Variants in SLC25A48 observed in about 807,000 individuals in gnomAD.
SLC25A48 encodes the protein CTC-321K16.1.
Under a neutral mutation model 32.2 loss-of-function variants are expected in SLC25A48, and 29 were observed. The ratio of observed to expected loss-of-function variants is 0.90; its 90% confidence interval spans 0.67 to 1.23. The LOEUF (loss-of-function observed/expected upper bound fraction) is 1.23, where lower values mean the gene tolerates loss of function less well. Among genes scored for constraint, SLC25A48 ranks in the 50% most tolerant of loss-of-function variants. The pLI is 0.00. For missense variants in SLC25A48, 399 were observed against 422.7 expected, an observed-to-expected ratio of 0.94 and a Z score of 0.49; for synonymous variants, 164 against 172.3, an observed-to-expected ratio of 0.95 and a Z score of 0.38.
At chr5:135,814,033 G>C (rs933113602) in intron 4 of SLC25A48, among the ~76,000 whole-genome samples, 1 of 152,184 alleles carries the variant, frequency 6.6e-6, no homozygotes, top group East Asian at 1.9e-4. Context: ...TTGATCAGAG[G>C]CACCCATGTG....
At chr5:135,826,231 G>A (rs903292399) in intron 4 of SLC25A48, among the ~76,000 whole-genome samples, 4 of 152,044 alleles carry the variant, frequency 2.6e-5, no homozygotes, top group Non-Finnish European at 2.9e-5. Flanking sequence ...GTCCCACTCC[G>A]CAGGCCTAGG....
At chr5:135,611,939 T>A (rs1409381402) in intron 1 of SLC25A48, among the ~76,000 whole-genome samples, 1 of 152,262 alleles carries the variant, frequency 6.6e-6, no homozygotes, top group East Asian at 1.9e-4. Context: ...AATTATGTAG[T>A]TGCCTTCCAA....
intron 3 of SLC25A48, among the ~76,000 whole-genome samples, chr5:135,764,402 CCT>C (rs1437622783): frequency 1.3e-5 from 2 of 151,590 alleles, no homozygotes; most frequent in African/African-American, 4.9e-5. Context: ...TGTACAGCCC[CCT>C]GTGATATGGT....
At chr5:135,789,808 C>A (rs1280474461) in intron 3 of SLC25A48, among the ~76,000 whole-genome samples, 2 of 151,894 alleles carry the variant, frequency 1.3e-5, no homozygotes, top group South Asian at 2.1e-4. Context: ...GTGTACAATC[C>A]TTTGTAATAT....
At chr5:135,607,933 C>T (rs1057406801) in intron 1 of SLC25A48, among the ~76,000 whole-genome samples, 1 of 152,248 alleles carries the variant, frequency 6.6e-6, no homozygotes, top group Non-Finnish European at 1.5e-5. Context: ...AGTCTCCTTA[C>T]ATTATTCTGC....
intron 1 of SLC25A48, among the ~76,000 whole-genome samples, chr5:135,628,178 C>T (rs1197894847): frequency 6.6e-6 from 1 of 152,180 alleles, no homozygotes; most frequent in Non-Finnish European, 1.5e-5. Flanking sequence ...TCATAAAAGA[C>T]ATTCTGGGAT....
At chr5:135,632,450 G>C (rs1308490779) in intron 2 of SLC25A48, among the ~76,000 whole-genome samples, 3 of 152,156 alleles carry the variant, frequency 2.0e-5, no homozygotes, top group African/African-American at 7.2e-5. Context: ...ATACCTAGGA[G>C]GTAAACTTTA....
intron 1 of SLC25A48, among the ~76,000 whole-genome samples, chr5:135,581,531 A>G (rs1038748226): frequency 6.6e-6 from 1 of 152,204 alleles, no homozygotes; most frequent in Non-Finnish European, 1.5e-5. Context: ...TAACGATTTT[A>G]TTTCTAACAT....
rs766940846 is a variant in SLC25A48, at chr5:135,852,810, C to G, written c.410C>G (p.Pro137Arg). The change falls in exon 4 of 8, where the codon CCG becomes CGG. Residue 137 changes from proline (P) to arginine (R), a missense_variant. Pro to Arg is a moderately radical substitution (Grantham distance 103). Transcript: ENST00000681962. ...ATCCGGTTGCAGATGCAGACACAAC[C>G]GTTTCGGGACGGTAAGAGGCCAGGG... is the stretch of plus-strand genomic sequence containing the variant. ...IKIRLQMQTQ[P>R]FRDANLGLKS... 6.9e-6 allele frequency: 11 copies of G among 1,605,280 alleles called. No homozygotes were observed. Among genetic ancestry groups the G allele is most frequent in the Non-Finnish European group, 9.4e-6 (11 of 1,172,778 alleles).
At chr5:135,850,517 T>C in intron 3 of SLC25A48, 21 bp downstream of exon 3, 1 of 1,613,034 alleles carries the variant, frequency 6.2e-7, no homozygotes, top group Non-Finnish European at 8.5e-7. Context: ...CTTGGGCGGG[T>C]GGAGTGATGC....
intron 4 of SLC25A48, among the ~76,000 whole-genome samples, chr5:135,862,063 ATGGGCATGAGCCTAACTAGGTGGCCTGT>A (rs1262704154): frequency 2.0e-4 from 30 of 152,350 alleles, no homozygotes; most frequent in African/African-American, 6.0e-4. Context: ...TGCCCTTTGC[ATGGGCATGAGCCTAACTAGGTGGCCTGT>A]TGGGCATGAG....
chr5:135,760,120 C>T (rs534630034), intron 3 of SLC25A48, among the ~76,000 whole-genome samples: 2 of 152,252 alleles, frequency 1.3e-5, no homozygotes, highest in South Asian at 2.1e-4. Context: ...TGTGAGCCAC[C>T]GCGCCCGGCC....
intron 4 of SLC25A48, among the ~76,000 whole-genome samples, chr5:135,865,085 T>A (rs1158175547): frequency 6.6e-6 from 1 of 152,240 alleles, no homozygotes; most frequent in Admixed American, 6.5e-5. Flanking sequence ...TCCCTTTTCA[T>A]GTTCATAAAA....
At chr5:135,588,033 C>T (rs559291378) in intron 1 of SLC25A48, among the ~76,000 whole-genome samples, 14 of 152,310 alleles carry the variant, frequency 9.2e-5, no homozygotes, top group African/African-American at 1.4e-4. Flanking sequence ...GGCGGAGGCC[C>T]GAATTCAAGA....
chr5:135,747,061 A>T (rs559278529), intron 3 of SLC25A48, among the ~76,000 whole-genome samples: 3 of 150,860 alleles, frequency 2.0e-5, no homozygotes, highest in Non-Finnish European at 4.4e-5. Flanking sequence ...TGGTAATGTG[A>T]AGCTTGATGG....
At chr5:135,756,327 A>G (rs1755902891) in intron 3 of SLC25A48, among the ~76,000 whole-genome samples, 1 of 152,146 alleles carries the variant, frequency 6.6e-6, no homozygotes, top group African/African-American at 2.4e-5. Context: ...TTGACACACT[A>G]TGATATTAAT....
At chr5:135,757,048 TATG>T (rs1367824375) in intron 3 of SLC25A48, among the ~76,000 whole-genome samples, 5 of 150,248 alleles carry the variant, frequency 3.3e-5, no homozygotes, top group Non-Finnish European at 7.4e-5. Flanking sequence ...ATGTATATGA[TATG>T]ATATCTAGTG....
chr5:135,603,010 A>AC (rs1580715416), intron 1 of SLC25A48, among the ~76,000 whole-genome samples: 3 of 152,294 alleles, frequency 2.0e-5, no homozygotes, highest in South Asian at 2.1e-4. Context: ...AACAGCTGAA[A>AC]AGTGCACACC....
At chr5:135,840,189 C>T (rs1367738176) in intron 1 of SLC25A48, among the ~76,000 whole-genome samples, 1 of 152,104 alleles carries the variant, frequency 6.6e-6, no homozygotes, top group African/African-American at 2.4e-5. Context: ...TAAAAAAATT[C>T]TATGGTGACA....
Sources: allele counts gnomAD v4.1 joint callset (sites outside exome capture counted in the v4.1 genomes callset), GRCh38; gene constraint gnomAD v4.1.1; transcripts MANE v1.5; gene names NCBI Gene and HGNC (gene_info 2026-07-23, HGNC 2026-07-21).